DAB2: variants seen among roughly 807,000 people sequenced by gnomAD.
DAB2 encodes disabled homolog 2.
In DAB2, 28 loss-of-function variants were observed where a neutral mutation model predicts 71.6. The ratio of observed to expected loss-of-function variants is 0.39; its 90% CI spans 0.29 to 0.54. The LOEUF (loss-of-function observed/expected upper bound fraction) is 0.54, where lower values mean the gene tolerates loss of function less well. DAB2 is among the 20% of genes least tolerant of loss of function. The pLI is 0.68. For synonymous variants in DAB2, 345 were observed against 339.7 expected (o/e 1.02, Z -0.17); for missense variants, 867 against 928.8 (o/e 0.93, Z 0.86).
intron 8 of DAB2, among the ~76,000 whole-genome samples, 156 bp downstream of exon 8, chr5:39,388,643 A>G (rs532940031): frequency 1.3e-5 from 2 of 152,346 alleles, no homozygotes; most frequent in Admixed American, 6.5e-5. Flanking sequence ...ACTTTTGTAT[A>G]TTGACATAGA....
chr5:39,375,524 T>G (rs1222247690), intron 13 of DAB2, among the ~76,000 whole-genome samples: 1 of 152,186 alleles, frequency 6.6e-6, no homozygotes, highest in Non-Finnish European at 1.5e-5. Flanking sequence ...CTTTCTCCAG[T>G]TTAAATGAAT....
At chr5:39,388,063 T>C (rs983141754) in intron 9 of DAB2, 7 of 430,134 alleles carry the variant, frequency 1.6e-5, no homozygotes, top group Non-Finnish European at 2.9e-5. Context: ...CAAGAAGGAC[T>C]ACATTGCTGA....
intron 1 of DAB2, among the ~76,000 whole-genome samples, chr5:39,405,573 G>C (rs1443633173): frequency 6.6e-6 from 1 of 152,206 alleles, no homozygotes; most frequent in African/African-American, 2.4e-5. Flanking sequence ...AAGCAAGCTG[G>C]GTAGGACAAT....
chr5:39,408,075 A>G (rs192800498), intron 1 of DAB2, among the ~76,000 whole-genome samples: 192 of 152,326 alleles, frequency 1.3e-3, no homozygotes, highest in Middle Eastern at 3.4e-3. Context: ...CCTCAAAGCC[A>G]TTGCTTGAGT....
Position 39,392,352 on chromosome 5 carries a change from T to C in DAB2, c.330+13A>G. 1 of 1,598,258 alleles carries C rather than the reference T, an allele frequency of 6.3e-7. No homozygotes were observed. The highest frequency in any genetic ancestry group is 8.6e-7 in the Non-Finnish European group (1 of 1,165,656). ...AGGTGGTCAGAGAGGTATCAGCAAATGTGAATTCTTACCCCAGTTTTCTCA... is the reference window on the plus strand; with the variant it reads ...AGGTGGTCAGAGAGGTATCAGCAAACGTGAATTCTTACCCCAGTTTTCTCA... On this transcript the variant is annotated intron_variant, in intron 4 of 14. Coordinates refer to ENST00000320816, the MANE Select transcript of DAB2 (RefSeq NM_001343.4).
chr5:39,407,243 G>A (rs530794348), intron 1 of DAB2, among the ~76,000 whole-genome samples: 6 of 152,182 alleles, frequency 3.9e-5, no homozygotes, highest in African/African-American at 7.2e-5. Flanking sequence ...TGTTTGTGAC[G>A]GAGTCTCGCT....
intron 13 of DAB2, among the ~76,000 whole-genome samples, chr5:39,375,742 C>A (rs1677033536): frequency 6.6e-6 from 1 of 152,058 alleles, no homozygotes; most frequent in Non-Finnish European, 1.5e-5. Flanking sequence ...AAAAATTAGC[C>A]AGGTGTGGTG....
chr5:39,419,432 A>G (rs1389049255), intron 1 of DAB2, among the ~76,000 whole-genome samples: 1 of 152,172 alleles, frequency 6.6e-6, no homozygotes, highest in Non-Finnish European at 1.5e-5. Context: ...TGGGCAAGAT[A>G]CTCATCATAT....
At chr5:39,376,315 T>A (rs984070514) in intron 12 of DAB2, among the ~76,000 whole-genome samples, 2 of 152,182 alleles carry the variant, frequency 1.3e-5, no homozygotes, top group African/African-American at 2.4e-5. Flanking sequence ...TGGAAGAGAT[T>A]CAGAATCCCC....
chr5:39,387,791 G>A (rs1287186720), intron 9 of DAB2: 1 of 151,416 alleles, frequency 6.6e-6, no homozygotes, highest in Admixed American at 6.6e-5. Flanking sequence ...TCAATATTGA[G>A]CAGACTGGAT....
chr5:39,395,856 C>T (rs534865916), intron 1 of DAB2, among the ~76,000 whole-genome samples: 7 of 147,444 alleles, frequency 4.7e-5, no homozygotes, highest in African/African-American at 1.5e-4. Flanking sequence ...AATTGTATAA[C>T]TTTAAAAGAT....
chr5:39,381,357 G>T, intron 11 of DAB2, 97 bp downstream of exon 11: 1 of 1,299,020 alleles, frequency 7.7e-7, no homozygotes, highest in Non-Finnish European at 1.1e-6. Context: ...ATCTTATGCT[G>T]TAAAACCCTC....
At chr5:39,409,582 T>C (rs1469272653) in intron 1 of DAB2, among the ~76,000 whole-genome samples, 2 of 152,206 alleles carry the variant, frequency 1.3e-5, no homozygotes, top group African/African-American at 4.8e-5. Flanking sequence ...CAAGTTTACA[T>C]ACCTAAAATC....
At chr5:39,396,511 G>A (rs1755373966) in intron 1 of DAB2, among the ~76,000 whole-genome samples, 1 of 152,228 alleles carries the variant, frequency 6.6e-6, no homozygotes, top group African/African-American at 2.4e-5. Flanking sequence ...AATGAGGGCA[G>A]TTGTAGCTAT....
At chr5:39,381,308 T>C (rs1579901895) in intron 11 of DAB2, 146 bp downstream of exon 11, 2 of 728,570 alleles carry the variant, frequency 2.7e-6, no homozygotes, top group Non-Finnish European at 4.4e-6. Context: ...TGTGGGGTTG[T>C]ATAGTAGAAG....
intron 12 of DAB2, among the ~76,000 whole-genome samples, chr5:39,376,361 T>C (rs1032579453): frequency 2.0e-5 from 3 of 152,192 alleles, no homozygotes; most frequent in African/African-American, 7.2e-5. Context: ...TGACGCCTTA[T>C]TACACAGCCC....
At chr5:39,382,550 T>G (rs1305620356) in intron 10 of DAB2, 68 bp downstream of exon 10, 1 of 1,465,772 alleles carries the variant, frequency 6.8e-7, no homozygotes, top group East Asian at 2.3e-5. Flanking sequence ...GAAAGAGAGC[T>G]TGCATCACAC....
intron 1 of DAB2, among the ~76,000 whole-genome samples, chr5:39,403,981 GTAT>G (rs1350897383): frequency 1.3e-5 from 2 of 151,978 alleles, no homozygotes; most frequent in Admixed American, 1.3e-4. Context: ...TGGCTGCATA[GTAT>G]TCCATGGTGT....
chr5:39,394,040 G>C (rs1755298129), intron 2 of DAB2, among the ~76,000 whole-genome samples, 190 bp downstream of exon 2: 2 of 152,194 alleles, frequency 1.3e-5, no homozygotes, highest in Non-Finnish European at 2.9e-5. Context: ...GGTTTCCAGA[G>C]ATGTCTTATT....
Sources: allele counts gnomAD v4.1 joint callset (sites outside exome capture counted in the v4.1 genomes callset), GRCh38; gene constraint gnomAD v4.1.1; transcripts MANE v1.5; gene names NCBI Gene and HGNC (gene_info 2026-07-23, HGNC 2026-07-21).